Variants in FLI1 observed in about 807,000 individuals in gnomAD.
FLI1 encodes Fli-1 proto-oncogene, ETS transcription factor.
Under a neutral mutation model 53.1 loss-of-function variants are expected in FLI1, and 13 were observed. The observed-to-expected ratio is 0.24, with a 90% CI of 0.16 to 0.39. The LOEUF (loss-of-function observed/expected upper bound fraction) is 0.39, where lower values mean the gene tolerates loss of function less well. Among genes scored for constraint, FLI1 ranks in the 10% least tolerant of loss-of-function variants. The probability of loss-of-function intolerance (pLI) is 1.00; values close to 1 mark genes in which losing one functional copy is unlikely to be tolerated. For missense variants in FLI1, 424 were observed against 600.5 expected (o/e 0.71, Z 3.07); for synonymous variants, 244 against 236.7 (o/e 1.03, Z -0.28).
chr11:128,701,337 A>G (rs1278175534), intron 1 of FLI1, among the ~76,000 whole-genome samples: 4 of 152,204 alleles, frequency 2.6e-5, no homozygotes, highest in African/African-American at 9.7e-5. Flanking sequence ...AAGAAAAAAA[A>G]AAGTCTCTCT....
intron 5 of FLI1, among the ~76,000 whole-genome samples, chr11:128,795,035 C>A (rs1591380276): frequency 1.3e-5 from 2 of 152,294 alleles, no homozygotes; most frequent in East Asian, 3.9e-4. Flanking sequence ...AACATTGCGC[C>A]ACTTCACTCC....
rs917439074 is a variant in FLI1 at position 128,811,331 on chromosome 11, A to C, written c.*343A>C. Reference sequence around the variant, plus strand: ...GTTTTCTTTATGTTTTTATGACCAAAGCAGTTTCTTGTCAATACACGGGGT... The same window carrying C: ...GTTTTCTTTATGTTTTTATGACCAACGCAGTTTCTTGTCAATACACGGGGT... On this transcript the variant is annotated 3_prime_UTR_variant, in exon 9 of 9. Coordinates refer to ENST00000527786, the MANE Select transcript of FLI1 (RefSeq NM_002017.5). 7.8e-6 allele frequency: 3 copies of C among 386,006 alleles called. No individual in the cohort carries two copies. Among genetic ancestry groups the C allele is most frequent in the African/African-American group, 6.2e-5 (3 of 48,676 alleles). 23.9% of individuals were successfully genotyped at this position (386,006 alleles called of 1,614,324 possible). A position where few individuals can be genotyped will look rare whatever the true frequency, so the allele number is the denominator to read the frequency against.
chr11:128,737,005 C>T (rs1486653672), intron 1 of FLI1, among the ~76,000 whole-genome samples: 2 of 152,118 alleles, frequency 1.3e-5, no homozygotes, highest in Admixed American at 1.3e-4. Flanking sequence ...ACAAACCCAA[C>T]CAAACATTTT....
At chr11:128,700,514 T>C (rs1195001935) in intron 1 of FLI1, among the ~76,000 whole-genome samples, 1 of 151,840 alleles carries the variant, frequency 6.6e-6, no homozygotes. Flanking sequence ...AGTGTACAGG[T>C]GATGGAGAGG....
intron 1 of FLI1, among the ~76,000 whole-genome samples, chr11:128,713,966 G>T (rs117363142): frequency 6.6e-5 from 10 of 152,148 alleles, no homozygotes; most frequent in Admixed American, 6.5e-4. Context: ...CTCTTCTTCA[G>T]TAAAGGCAAG....
rs371254662 is a variant in FLI1 at position 128,724,020 on chromosome 11, G to T, written c.18+29744G>T. Among the ~76,000 whole-genome samples the T allele has an allele frequency of 3.0e-5, 4 of 133,014 alleles. No individual in the cohort carries two copies. The East Asian group carries it at 7.2e-4, about 24-fold the overall frequency. 87.3% of individuals were successfully genotyped at this position (133,014 alleles called of 152,430 possible). On this transcript the variant is annotated intron_variant, in intron 1 of 8. Transcript: ENST00000527786. ...TATAGTGGCGCCATCTGGGCTCACTGTAACCTCTGCCTCCCAGGTTCAAGC... is the reference window on the plus strand; with the variant it reads ...TATAGTGGCGCCATCTGGGCTCACTTTAACCTCTGCCTCCCAGGTTCAAGC...
intron 5 of FLI1, among the ~76,000 whole-genome samples, chr11:128,795,956 A>G (rs534984508): frequency 1.8e-4 from 27 of 152,272 alleles, no homozygotes; most frequent in African/African-American, 6.5e-4. Context: ...GAATAATCAC[A>G]CCACTCTCTC....
In FLI1 at chr11:128,810,260, C is replaced by T. The variant is rs547883518; in HGVS notation, c.830-199C>T. Among the ~76,000 whole-genome samples, 16 of 151,930 alleles carry T rather than the reference C, an allele frequency of 1.1e-4. 1 individual carries two copies. The South Asian group carries it at 2.9e-3, about 28-fold the overall frequency. ...CAAAGCATCTTAGGATCTAACCTCG[C>T]TTATTATACCCATCTCCAAGGCAAG... On this transcript the variant is annotated intron_variant, in intron 8 of 8. Coordinates refer to ENST00000527786, the MANE Select transcript of FLI1 (RefSeq NM_002017.5). This position sits in a 1 kb window ranked among gnomAD's most constrained non-coding sequence, Gnocchi z 6.6.
chr11:128,694,309 G>A, intron 1 of FLI1, 33 bp downstream of exon 1: 6 of 1,328,774 alleles, frequency 4.5e-6, no homozygotes, highest in Non-Finnish European at 4.9e-6. Flanking sequence ...CGGGCGGCGG[G>A]GACCGGCCGG....
At position 128,787,437 on chromosome 11, in the gene FLI1, C is replaced by T. The variant is rs191098757; in HGVS notation, c.655+5414C>T. On this transcript the variant is annotated intron_variant, in intron 5 of 8. Transcript: ENST00000527786. ...CCTTCCTCTAGGCTGCTTCTGGAAT[C>T]ATTATCTCAGCATACTTGATTCAAG... Among the ~76,000 whole-genome samples the T allele has an allele frequency of 1.0e-3, 155 of 152,290 alleles. 1 individual carries two copies. The highest frequency in any genetic ancestry group is 3.7e-3 in the African/African-American group (152 of 41,564).
intron 4 of FLI1, among the ~76,000 whole-genome samples, chr11:128,777,184 C>A (rs1307446279): frequency 2.0e-5 from 3 of 152,284 alleles, no homozygotes; most frequent in African/African-American, 7.2e-5. Flanking sequence ...AAACGGAGGG[C>A]GCCGGGCTGG....
chr11:128,768,046 A>T, intron 2 of FLI1, 72 bp from the exon 3 acceptor site: 1 of 1,409,832 alleles, frequency 7.1e-7, no homozygotes, highest in East Asian at 2.5e-5. Context: ...CCCTGGGCTC[A>T]TGATTCAGAG....
intron 1 of FLI1, among the ~76,000 whole-genome samples, chr11:128,754,499 G>A (rs1277737903): frequency 2.0e-5 from 3 of 152,226 alleles, no homozygotes; most frequent in Non-Finnish European, 4.4e-5. Context: ...TACCTGAGTA[G>A]GGCTTGTCTA....
intron 5 of FLI1, among the ~76,000 whole-genome samples, chr11:128,794,395 G>A (rs996457090): frequency 2.0e-5 from 3 of 152,204 alleles, no homozygotes; most frequent in Non-Finnish European, 2.9e-5. Context: ...GCGATTGGTA[G>A]CTGGAAGGTA....
At chr11:128,765,866 G>A (rs1469620814) in intron 2 of FLI1, among the ~76,000 whole-genome samples, 1 of 152,158 alleles carries the variant, frequency 6.6e-6, no homozygotes, top group African/African-American at 2.4e-5. Context: ...CAGATGAAGT[G>A]TACGTGCATG....
chr11:128,760,530 T>A (rs1941071657), intron 2 of FLI1, among the ~76,000 whole-genome samples: 1 of 143,436 alleles, frequency 7.0e-6, no homozygotes. Context: ...CTTTTTTTTT[T>A]TTTTTTTTTT....
intron 1 of FLI1, among the ~76,000 whole-genome samples, chr11:128,695,156 C>T (rs944499967): frequency 4.6e-5 from 7 of 152,226 alleles, no homozygotes; most frequent in Non-Finnish European, 1.0e-4. Flanking sequence ...GCCATTCCCA[C>T]CCCAGCCGCC....
chr11:128,694,487 C>A (rs1401697994), intron 1 of FLI1, among the ~76,000 whole-genome samples: 1 of 38,866 alleles, frequency 2.6e-5, no homozygotes, highest in Non-Finnish European at 4.8e-5. Context: ...GACCCTCCCC[C>A]GAAATCCCAG....
intron 1 of FLI1, among the ~76,000 whole-genome samples, chr11:128,742,847 C>T (rs373367896): frequency 6.6e-6 from 1 of 152,206 alleles, no homozygotes; most frequent in African/African-American, 2.4e-5. Context: ...GAATCGTCAG[C>T]ACATTTTACA....
Sources: gnomAD v4.1 joint callset for allele counts (sites outside exome capture counted in the v4.1 genomes callset) on GRCh38, gnomAD v4.1.1 for gene constraint, Gnocchi (gnomAD v3.1) non-coding constraint, MANE v1.5 for transcripts, NCBI Gene and HGNC (gene_info 2026-07-23, HGNC 2026-07-21) for gene names.